SLC2A13: variants seen among roughly 807,000 people sequenced by gnomAD.
The protein encoded by SLC2A13 is proton myo-inositol cotransporter.
Under a neutral mutation model 64.4 loss-of-function variants are expected in SLC2A13, and 32 were observed. The ratio of observed to expected loss-of-function variants is 0.50; its 90% confidence interval spans 0.37 to 0.67. The LOEUF is 0.67. Among genes scored for constraint, SLC2A13 ranks in the 30% least tolerant of loss-of-function variants. The probability of loss-of-function intolerance (pLI) is 0.00; values close to 1 mark genes in which losing one functional copy is unlikely to be tolerated. For missense variants in SLC2A13, 743 were observed against 829.2 expected (o/e 0.90, Z 1.28); for synonymous variants, 338 against 327.1 (o/e 1.03, Z -0.36).
intron 1 of SLC2A13, among the ~76,000 whole-genome samples, chr12:40,081,033 A>G (rs925128620): frequency 3.9e-5 from 6 of 152,056 alleles, no homozygotes; most frequent in African/African-American, 9.7e-5. Flanking sequence ...AAGCCCCCCA[A>G]TCTCTTCTGG....
chr12:39,858,066 C>G (rs145316916), intron 6 of SLC2A13, among the ~76,000 whole-genome samples: 13 of 152,128 alleles, frequency 8.5e-5, no homozygotes, highest in African/African-American at 1.2e-4. Flanking sequence ...AAAGTTATGG[C>G]GAACTCAAAG....
intron 3 of SLC2A13, among the ~76,000 whole-genome samples, chr12:39,952,471 A>G (rs191711837): frequency 5.6e-4 from 85 of 152,338 alleles, no homozygotes; most frequent in African/African-American, 2.0e-3. Context: ...ATTCACAAAA[A>G]TGGAATACAA....
intron 4 of SLC2A13, among the ~76,000 whole-genome samples, chr12:39,883,028 T>C (rs886311094): frequency 1.3e-5 from 2 of 152,224 alleles, no homozygotes; most frequent in African/African-American, 2.4e-5. Flanking sequence ...TGGGTTCATA[T>C]GGCTTTCCAC....
chr12:40,031,375 A>T (rs1435554957), intron 2 of SLC2A13, among the ~76,000 whole-genome samples: 2 of 152,198 alleles, frequency 1.3e-5, no homozygotes, highest in Admixed American at 1.3e-4. Flanking sequence ...GGTGCGTGCC[A>T]CCACGCCTGG....
At chr12:40,043,750 C>T (rs1948130729) in intron 2 of SLC2A13, among the ~76,000 whole-genome samples, 1 of 152,202 alleles carries the variant, frequency 6.6e-6, no homozygotes, top group South Asian at 2.1e-4. Flanking sequence ...AAAAAGTTAT[C>T]CTCATGATTA....
intron 7 of SLC2A13, among the ~76,000 whole-genome samples, chr12:39,811,336 C>A (rs1439151086): frequency 6.6e-6 from 1 of 151,916 alleles, no homozygotes; most frequent in Middle Eastern, 3.4e-3. Context: ...TTATATCTTT[C>A]CTTCTAATTA....
intron 3 of SLC2A13, among the ~76,000 whole-genome samples, chr12:40,021,706 G>A (rs2136207728): frequency 6.6e-6 from 1 of 152,220 alleles, no homozygotes; most frequent in East Asian, 1.9e-4. Context: ...TGACATCCAT[G>A]CATTGTTTTG....
At chr12:39,973,542 ACTT>A (rs1565570159) in intron 3 of SLC2A13, among the ~76,000 whole-genome samples, 1 of 152,162 alleles carries the variant, frequency 6.6e-6, no homozygotes, top group African/African-American at 2.4e-5. Context: ...CACACATCTG[ACTT>A]CTTATTCCAC....
chr12:39,756,898 A>AT lies in SLC2A13; in HGVS notation c.*3127dup, dbSNP rs2135701695. The AT allele has an allele frequency of 6.6e-6, 1 of 151,818 alleles. No homozygotes were observed. Among genetic ancestry groups the AT allele is most frequent in the Non-Finnish European group, 1.5e-5 (1 of 67,690 alleles). The allele number at this position is 151,818 out of a possible 1,614,324, so 9.4% of individuals were successfully genotyped here. ...AAAAAATAGTCGGTATTCTCATAGCATTTTGTATCAGGGAACTACTGTGTA... is the reference window on the plus strand; with the variant it reads ...AAAAAATAGTCGGTATTCTCATAGCATTTTTGTATCAGGGAACTACTGTGTA... On this transcript the variant is annotated 3_prime_UTR_variant, in exon 10 of 10. Coordinates refer to ENST00000280871, the MANE Select transcript of SLC2A13 (RefSeq NM_052885.4).
chr12:40,088,439 C>A (rs1280254643), intron 1 of SLC2A13, among the ~76,000 whole-genome samples: 1 of 152,140 alleles, frequency 6.6e-6, no homozygotes, highest in Non-Finnish European at 1.5e-5. Flanking sequence ...TTTCAAAAGA[C>A]CTTTTTTTTA....
intron 3 of SLC2A13, among the ~76,000 whole-genome samples, chr12:39,999,703 C>G (rs1947292912): frequency 6.6e-6 from 1 of 152,094 alleles, no homozygotes; most frequent in Non-Finnish European, 1.5e-5. Context: ...TTTGCATTTG[C>G]CCTTTGTCTT....
chr12:39,871,382 G>GA (rs11409931), intron 5 of SLC2A13, among the ~76,000 whole-genome samples: 107,320 of 151,776 alleles, frequency 0.71, 38,360 homozygotes, highest in African/African-American at 0.8. Flanking sequence ...AAAGAGCTTT[G>GA]AAAAAATGCT....
At chr12:39,991,287 C>G (rs1947134400) in intron 3 of SLC2A13, among the ~76,000 whole-genome samples, 1 of 151,946 alleles carries the variant, frequency 6.6e-6, no homozygotes, top group Non-Finnish European at 1.5e-5. Context: ...AAGCTTTTTC[C>G]TTCATCTCAA....
intron 3 of SLC2A13, among the ~76,000 whole-genome samples, chr12:39,985,858 A>G (rs1427773678): frequency 6.6e-6 from 1 of 152,150 alleles, no homozygotes; most frequent in Non-Finnish European, 1.5e-5. Flanking sequence ...TCATGATACG[A>G]AAAATGGAGT....
chr12:39,918,982 AT>A (rs941316595), intron 4 of SLC2A13, among the ~76,000 whole-genome samples: 21 of 148,900 alleles, frequency 1.4e-4, no homozygotes, highest in East Asian at 9.8e-4. Context: ...ATATCTATAC[AT>A]TTTTTTTTTA....
At chr12:39,909,448 G>A (rs1018074990) in intron 4 of SLC2A13, among the ~76,000 whole-genome samples, 4 of 151,950 alleles carry the variant, frequency 2.6e-5, no homozygotes, top group Non-Finnish European at 5.9e-5. Flanking sequence ...TCTTTGTTTT[G>A]CCTACCATGA....
intron 7 of SLC2A13, among the ~76,000 whole-genome samples, chr12:39,804,460 TTAA>T (rs1418557082): frequency 1.3e-5 from 2 of 152,176 alleles, no homozygotes; most frequent in Admixed American, 6.5e-5. Flanking sequence ...AACTGCTAGA[TTAA>T]TAATAATAAC....
chr12:40,053,162 A>G (rs1432581594), intron 1 of SLC2A13, among the ~76,000 whole-genome samples: 2 of 151,606 alleles, frequency 1.3e-5, no homozygotes, highest in Non-Finnish European at 2.9e-5. Context: ...CATGCCTGTA[A>G]TCCCAGCCAC....
chr12:39,783,231 T>C (rs1418634953), intron 7 of SLC2A13, among the ~76,000 whole-genome samples: 2 of 152,224 alleles, frequency 1.3e-5, no homozygotes, highest in East Asian at 1.9e-4. Flanking sequence ...TAGTATTCCA[T>C]GGTGTATATG....
Sources: allele counts gnomAD v4.1 joint callset (sites outside exome capture counted in the v4.1 genomes callset), GRCh38; gene constraint gnomAD v4.1.1; transcripts MANE v1.5; gene names NCBI Gene and HGNC (gene_info 2026-07-23, HGNC 2026-07-21).